Variants in PCDHA5 observed in about 807,000 individuals in gnomAD.
The protein encoded by PCDHA5 is protocadherin alpha-5.
PCDHA5 carries 43 observed loss-of-function variants against 61.6 expected under a neutral mutation model. The ratio of observed to expected loss-of-function variants is 0.70; its 90% CI spans 0.55 to 0.90. PCDHA5 has a LOEUF of 0.90. PCDHA5 is among the 40% of genes least tolerant of loss of function. The pLI, the probability that PCDHA5 is intolerant of heterozygous loss-of-function variation, is 0.00. For synonymous variants in PCDHA5, 627 were observed against 543.9 expected (o/e 1.15, Z -2.13); for missense variants, 1,298 against 1,222.7 (o/e 1.06, Z -0.92).
At chr5:140,984,987 G>C (rs1034950978) in intron 3 of PCDHA5, among the ~76,000 whole-genome samples, 7 of 152,028 alleles carry the variant, frequency 4.6e-5, no homozygotes, top group Admixed American at 2.0e-4. Flanking sequence ...CCCCAGGCTG[G>C]AGTCCAGTGG....
chr5:140,895,136 A>G (rs781801401), intron 1 of PCDHA5, among the ~76,000 whole-genome samples: 43 of 152,306 alleles, frequency 2.8e-4, no homozygotes, highest in Non-Finnish European at 5.6e-4. Context: ...ACAAGTTCAT[A>G]GGGCTAAGAC....
At chr5:140,985,104 AT>A (rs2097137151) in intron 3 of PCDHA5, among the ~76,000 whole-genome samples, 1 of 151,914 alleles carries the variant, frequency 6.6e-6, no homozygotes, top group African/African-American at 2.4e-5. Context: ...AGCCTGGCTA[AT>A]TTTTTGTGTT....
rs138621035 is a variant in PCDHA5 at position 140,848,721 on chromosome 5, G to A, written c.2352+24594G>A. ...TTCCAAAGGCCGCGGGGACCTTCTG[G>A]AGGTAAATCTGCAGAATGGCATTTT... On this transcript the variant is annotated intron_variant, in intron 1 of 3. Coordinates refer to ENST00000529859, the MANE Select transcript of PCDHA5 (RefSeq NM_018908.3). The A allele has an allele frequency of 1.9e-6, 3 of 1,592,458 alleles. No individual in the cohort carries two copies. Among genetic ancestry groups the A allele is most frequent in the African/African-American group, 2.7e-5 (2 of 74,256 alleles).
At chr5:140,869,861 AAAATGCTGCT>A in intron 1 of PCDHA5, 1 of 1,610,746 alleles carries the variant, frequency 6.2e-7, no homozygotes, top group Admixed American at 1.7e-5. Flanking sequence ...AGCCTTATGG[AAAATGCTGCT>A]AAAGAAACTC....
chr5:140,966,427 C>T (rs2096001144), intron 1 of PCDHA5: 1 of 421,646 alleles, frequency 2.4e-6, no homozygotes, highest in African/African-American at 2.1e-5. Context: ...CTTGCTGAGC[C>T]CTCCTACCGC....
chr5:140,894,293 T>A (rs782004160), intron 1 of PCDHA5, among the ~76,000 whole-genome samples: 1 of 152,100 alleles, frequency 6.6e-6, no homozygotes, highest in Non-Finnish European at 1.5e-5. Context: ...TGAAGTTTAT[T>A]TTCCTGGAAA....
chr5:140,846,941 G>T (rs1422705277), intron 1 of PCDHA5, among the ~76,000 whole-genome samples: 2 of 149,652 alleles, frequency 1.3e-5, no homozygotes, highest in Admixed American at 1.3e-4. Flanking sequence ...AGAAATACTT[G>T]AAGGGGCATG....
In PCDHA5 at chr5:140,822,935, C is replaced by T. The variant is rs2150120520; in HGVS notation, c.1160C>T (p.Ser387Phe). ...DSGANGQVTC[S>F]LMPHVPFKLV... ...GGTGCCAACGGGCAGGTGACCTGCT[C>T]CCTAATGCCCCACGTTCCCTTCAAG... is the stretch of plus-strand genomic sequence containing the variant. Residue 387 changes from serine (S) to phenylalanine (F), a missense_variant, in exon 1 of 4, where the codon TCC becomes TTC. Ser to Phe is a radical substitution (Grantham distance 155). Coordinates refer to ENST00000529859, the MANE Select transcript of PCDHA5 (RefSeq NM_018908.3). 9 of 1,614,240 alleles carry T rather than the reference C, an allele frequency of 5.6e-6. No individual in the cohort carries two copies. In the South Asian group the frequency reaches 8.8e-5, roughly 16 times the overall value.
chr5:140,852,725 A>G lies in PCDHA5; in HGVS notation c.2352+28598A>G. The G allele has an allele frequency of 3.1e-6, 3 of 983,054 alleles. 1 individual carries two copies. The highest frequency in any genetic ancestry group is 3.7e-6 in the Non-Finnish European group (3 of 815,624). 60.9% of individuals were successfully genotyped at this position (983,054 alleles called of 1,614,324 possible). A position where few individuals can be genotyped will look rare whatever the true frequency, so the allele number is the denominator to read the frequency against. On this transcript the variant is annotated intron_variant, in intron 1 of 3. Coordinates refer to ENST00000529859, the MANE Select transcript of PCDHA5 (RefSeq NM_018908.3). ...GTATCTTTGTCTTTGCACGTTTTTC[A>G]AGTTTCATGTGCCATTTAAACTTGG...
intron 1 of PCDHA5, chr5:140,871,045 G>C: frequency 6.2e-7 from 1 of 1,613,386 alleles, no homozygotes; most frequent in African/African-American, 1.3e-5. Context: ...CCGACTTCTA[G>C]TACTGGTGAA....
intron 1 of PCDHA5, among the ~76,000 whole-genome samples, chr5:140,970,397 T>C (rs2096402198): frequency 6.6e-6 from 1 of 152,218 alleles, no homozygotes; most frequent in Non-Finnish European, 1.5e-5. Flanking sequence ...GGAAAGTGGA[T>C]GGCTTACCCT....
intron 1 of PCDHA5, chr5:140,836,307 G>T: frequency 6.2e-7 from 1 of 1,613,740 alleles, no homozygotes; most frequent in Non-Finnish European, 8.5e-7. Context: ...TGAGACGGAC[G>T]CACCGCGCCA....
chr5:140,957,581 C>T (rs1396438252), intron 1 of PCDHA5, among the ~76,000 whole-genome samples: 3 of 152,066 alleles, frequency 2.0e-5, no homozygotes, highest in South Asian at 2.1e-4. Flanking sequence ...GTACTTTTAA[C>T]AAAGCACTTC....
chr5:141,006,274 C>T (rs565885323), intron 3 of PCDHA5, among the ~76,000 whole-genome samples: 13 of 152,026 alleles, frequency 8.6e-5, no homozygotes, highest in African/African-American at 2.9e-4. Context: ...TGCAGTGGCA[C>T]GATCTCAGCT....
intron 1 of PCDHA5, chr5:140,852,865 C>G (rs2042498317): frequency 7.4e-6 from 7 of 950,286 alleles, no homozygotes; most frequent in Non-Finnish European, 7.6e-6. Flanking sequence ...TTTACTATGT[C>G]ATCAATAATC....
chr5:140,855,191 C>T (rs1029956602), intron 1 of PCDHA5, among the ~76,000 whole-genome samples: 1 of 149,742 alleles, frequency 6.7e-6, no homozygotes, highest in East Asian at 1.9e-4. Flanking sequence ...CAAATTGAGG[C>T]CTGAGAATAG....
chr5:140,869,588 T>TC, intron 1 of PCDHA5: 1 of 1,614,114 alleles, frequency 6.2e-7, no homozygotes. Context: ...GATGCTGACA[T>TC]TGAAGAGAAT....
rs2096607447 is a variant in PCDHA5, at chr5:140,973,909, C to T, written c.2353-5040C>T. 2.0e-5 allele frequency among the ~76,000 whole-genome samples: 3 copies of T among 152,194 alleles called. 1 individual carries two copies. The highest frequency in any genetic ancestry group is 2.0e-4 in the Admixed American group (3 of 15,280). On this transcript the variant is annotated intron_variant, in intron 1 of 3. Coordinates refer to ENST00000529859, the MANE Select transcript of PCDHA5 (RefSeq NM_018908.3). ...ATTTGCAAATGTTTGAGGAAACATT[C>T]CTGTCACCAAACCCAGAGGTTTAGC...
chr5:140,826,952 G>A (rs1202184500), intron 1 of PCDHA5, among the ~76,000 whole-genome samples: 1 of 152,130 alleles, frequency 6.6e-6, no homozygotes, highest in Non-Finnish European at 1.5e-5. Context: ...AATAAGGCAA[G>A]CCAGGGAAAA....
Sources: allele counts gnomAD v4.1 joint callset (sites outside exome capture counted in the v4.1 genomes callset), GRCh38; gene constraint gnomAD v4.1.1; transcripts MANE v1.5; gene names NCBI Gene and HGNC (gene_info 2026-07-23, HGNC 2026-07-21).